Variants in CAMK1G observed in about 807,000 individuals in gnomAD.
The protein encoded by CAMK1G is calcium/calmodulin-dependent protein kinase type 1G.
CAMK1G carries 27 observed loss-of-function variants against 54.8 expected under a neutral mutation model. That is an observed-to-expected ratio of 0.49 (90% CI 0.36 to 0.68). The LOEUF is 0.68. CAMK1G is among the 30% of genes least tolerant of loss of function. The probability of loss-of-function intolerance (pLI) is 0.00; values close to 1 mark genes in which losing one functional copy is unlikely to be tolerated. For missense variants in CAMK1G, 512 were observed against 591.0 expected (o/e 0.87, Z 1.39); for synonymous variants, 238 against 224.9 (o/e 1.06, Z -0.52).
rs1329315194 is a variant in CAMK1G at position 209,595,142 on chromosome 1, C to G, written c.92+67C>G. Reference sequence around the variant, plus strand: ...GCAGTGGGAGGTTAGAAGAGTTGTTCTCTGCTGGCAGCAATTGATGAACTG... The same window carrying G: ...GCAGTGGGAGGTTAGAAGAGTTGTTGTCTGCTGGCAGCAATTGATGAACTG... On this transcript the variant is annotated intron_variant, in intron 2 of 12. Transcript: ENST00000361322. 5.4e-5 allele frequency: 60 copies of G among 1,117,018 alleles called. No homozygotes were observed. The Admixed American group carries it at 9.3e-4, about 17-fold the overall frequency. 69.2% of individuals were successfully genotyped at this position (1,117,018 alleles called of 1,614,324 possible). A position where few individuals can be genotyped will look rare whatever the true frequency, so the allele number is the denominator to read the frequency against.
At chr1:209,601,790 T>C (rs559621324) in intron 3 of CAMK1G, among the ~76,000 whole-genome samples, 1 of 152,360 alleles carries the variant, frequency 6.6e-6, no homozygotes, top group African/African-American at 2.4e-5. Flanking sequence ...TGTTTACTAT[T>C]ACCCAGACAC....
chr1:209,608,036 T>G (rs1442564572), intron 7 of CAMK1G, 103 bp downstream of exon 7: 16 of 819,406 alleles, frequency 2.0e-5, no homozygotes, highest in Non-Finnish European at 2.4e-5. Flanking sequence ...AGCACGTGCA[T>G]GTGCACAAAC....
At position 209,600,036 on chromosome 1, in the gene CAMK1G, T is replaced by A. The variant is rs778796137; in HGVS notation, c.146T>A (p.Phe49Tyr). 6.2e-7 allele frequency: 1 copy of A among 1,614,002 alleles called. No homozygotes were observed. Among genetic ancestry groups the A allele is most frequent in the Non-Finnish European group, 8.5e-7 (1 of 1,179,896 alleles). ...AAGCAAAGACTGACTGGGAAGCTCTTTGCTCTGAAGTGCATCAAGAAGTCA... is the reference window on the plus strand; with the variant it reads ...AAGCAAAGACTGACTGGGAAGCTCTATGCTCTGAAGTGCATCAAGAAGTCA... ...LVKQRLTGKLFALKCIKKSPA... is the reference protein window; with the variant it reads ...LVKQRLTGKLYALKCIKKSPA... The change falls in exon 3 of 13, where the codon TTT (phenylalanine) becomes TAT (tyrosine). Residue 49 changes from phenylalanine to tyrosine, a missense_variant. Physicochemically the swap from Phe to Tyr is conservative, Grantham distance 22. This residue lies in a region of CAMK1G where 186 missense variants were observed against 231.5 expected (regional missense o/e 0.80). Coordinates refer to ENST00000361322, the MANE Select transcript of CAMK1G (RefSeq NM_020439.3).
intron 2 of CAMK1G, 76 bp downstream of exon 2, chr1:209,595,151 C>T (rs1665348666): frequency 9.7e-7 from 1 of 1,027,370 alleles, no homozygotes; most frequent in Non-Finnish European, 1.5e-6. Context: ...TCTCTGCTGG[C>T]AGCAATTGAT....
chr1:209,605,916 C>T (rs1665636878), intron 5 of CAMK1G, among the ~76,000 whole-genome samples: 1 of 152,176 alleles, frequency 6.6e-6, no homozygotes, highest in East Asian at 1.9e-4. Context: ...ATAATACACA[C>T]ATTTCTTACA....
intron 8 of CAMK1G, 34 bp downstream of exon 8, chr1:209,609,126 G>A (rs748577038): frequency 7.4e-6 from 12 of 1,613,486 alleles, no homozygotes; most frequent in African/African-American, 1.3e-5. Flanking sequence ...GAGATAACAG[G>A]CTCAAGGTAG....
At chr1:209,589,923 A>G (rs1331495852) in intron 1 of CAMK1G, among the ~76,000 whole-genome samples, 1 of 152,130 alleles carries the variant, frequency 6.6e-6, no homozygotes, top group Non-Finnish European at 1.5e-5. Flanking sequence ...GCTAGGAGCC[A>G]TTTTTGCAGA....
chr1:209,594,782 TG>T (rs1303144780), intron 1 of CAMK1G, among the ~76,000 whole-genome samples, 172 bp from the exon 2 acceptor site: 1 of 152,260 alleles, frequency 6.6e-6, no homozygotes, highest in Non-Finnish European at 1.5e-5. Context: ...TTGTAATTTT[TG>T]AAAGCAAGTG....
In CAMK1G at chr1:209,583,726, T is replaced by A. The variant is rs1283121077; in HGVS notation, c.-76T>A. 1 of 152,224 alleles carries A rather than the reference T, an allele frequency of 6.6e-6. No homozygotes were observed. The highest frequency in any genetic ancestry group is 1.5e-5 in the Non-Finnish European group (1 of 68,056). The allele number at this position is 152,224 out of a possible 1,614,324, so 9.4% of individuals were successfully genotyped here. A position where few individuals can be genotyped will look rare whatever the true frequency, so the allele number is the denominator to read the frequency against. ...GGAGCAGCTAATCCTCACAGACCTG[T>A]AGGAGCTGGAGTGGGAGCTCAAGCA... On this transcript the variant is annotated 5_prime_UTR_variant, in exon 1 of 13. Coordinates refer to ENST00000361322, the MANE Select transcript of CAMK1G (RefSeq NM_020439.3).
chr1:209,598,043 A>G (rs1665431347), intron 2 of CAMK1G, among the ~76,000 whole-genome samples: 1 of 152,266 alleles, frequency 6.6e-6, no homozygotes, highest in African/African-American at 2.4e-5. Flanking sequence ...AACTGGGAAT[A>G]TGGGAGTTAA....
intron 5 of CAMK1G, among the ~76,000 whole-genome samples, chr1:209,606,071 G>A (rs985849590): frequency 3.3e-5 from 5 of 152,140 alleles, no homozygotes; most frequent in Non-Finnish European, 7.3e-5. Flanking sequence ...TTGGAAGTGA[G>A]GGAAGGAAAG....
chr1:209,587,995 C>T lies in CAMK1G; in HGVS notation c.-30+4223C>T, dbSNP rs75783985. On this transcript the variant is annotated intron_variant, in intron 1 of 12. Transcript: ENST00000361322. ...CATGCTCCCAAAGAATGGAAAATCC[C>T]GGAAGCAGAGACTATAAAGCAGTCT... Among the ~76,000 whole-genome samples, 76 of 152,258 alleles carry T rather than the reference C, an allele frequency of 5.0e-4. No individual in the cohort carries two copies. The East Asian group carries it at 9.6e-3, about 19-fold the overall frequency.
chr1:209,584,621 C>T (rs1004833718), intron 1 of CAMK1G, among the ~76,000 whole-genome samples: 7 of 152,162 alleles, frequency 4.6e-5, no homozygotes, highest in African/African-American at 7.2e-5. Flanking sequence ...CTGAGGCTCC[C>T]GGAGATGGCT....
intron 2 of CAMK1G, among the ~76,000 whole-genome samples, chr1:209,595,407 C>T (rs547535183): frequency 6.6e-6 from 1 of 151,704 alleles, no homozygotes; most frequent in African/African-American, 2.4e-5. Flanking sequence ...GGTGACAGAG[C>T]GAGACTGTCT....
intron 6 of CAMK1G, among the ~76,000 whole-genome samples, chr1:209,606,926 C>G (rs1021814040): frequency 6.6e-6 from 1 of 152,206 alleles, no homozygotes; most frequent in African/African-American, 2.4e-5. Context: ...CCCAAGGAAG[C>G]ACTCTGGGAA....
intron 1 of CAMK1G, among the ~76,000 whole-genome samples, chr1:209,588,279 A>G (rs1411284523): frequency 6.6e-6 from 1 of 152,222 alleles, no homozygotes; most frequent in Non-Finnish European, 1.5e-5. Context: ...TGCCCAGTTT[A>G]GGAACACTAT....
rs201568485 is a variant in CAMK1G at position 209,609,702 on chromosome 1, A to AT, written c.749-141dup. The AT allele has an allele frequency of 1.0e-3, 751 of 739,544 alleles. 5 individuals carry two copies. In the East Asian group the frequency reaches 0.011, roughly 11 times the overall value. 45.8% of individuals were successfully genotyped at this position (739,544 alleles called of 1,614,324 possible). ...GGTGGGTTGTTGTTAGGTGGTTTGG[A>AT]TTTTTTTTCCTCTTCTAAGACTCTT... On this transcript the variant is annotated intron_variant, in intron 8 of 12. Coordinates refer to ENST00000361322, the MANE Select transcript of CAMK1G (RefSeq NM_020439.3).
In CAMK1G at chr1:209,599,847, C is replaced by T. The variant is rs142175407; in HGVS notation, c.93-136C>T. On this transcript the variant is annotated intron_variant, in intron 2 of 12. Coordinates refer to ENST00000361322, the MANE Select transcript of CAMK1G (RefSeq NM_020439.3). ...TTTTGTGCTTTCCTGATGTTTCTTCCAGATTTAAATTCAGTATATGCCTTT... is the reference window on the plus strand; with the variant it reads ...TTTTGTGCTTTCCTGATGTTTCTTCTAGATTTAAATTCAGTATATGCCTTT... 5 of 1,023,416 alleles carry T rather than the reference C, an allele frequency of 4.9e-6. No individual in the cohort carries two copies. The African/African-American group carries it at 5.0e-5, about 10-fold the overall frequency. The allele number at this position is 1,023,416 out of a possible 1,614,324, so 63.4% of individuals were successfully genotyped here. A position where few individuals can be genotyped will look rare whatever the true frequency, so the allele number is the denominator to read the frequency against.
At chr1:209,590,212 G>C (rs185966861) in intron 1 of CAMK1G, among the ~76,000 whole-genome samples, 67 of 152,320 alleles carry the variant, frequency 4.4e-4, no homozygotes, top group African/African-American at 1.5e-3. Context: ...GATTACAGAA[G>C]TCAAGAGAGG....
Sources: allele counts gnomAD v4.1 joint callset (sites outside exome capture counted in the v4.1 genomes callset), GRCh38; gene constraint gnomAD v4.1.1; regional missense constraint gnomAD v4.1.1; transcripts MANE v1.5; gene names NCBI Gene and HGNC (gene_info 2026-07-23, HGNC 2026-07-21).